Variants in PRKCQ observed in about 807,000 individuals in gnomAD.
The protein encoded by PRKCQ is protein kinase C theta type.
A neutral mutation model predicts 91.2 loss-of-function variants in PRKCQ; 41 were observed. The ratio of observed to expected loss-of-function variants is 0.45; its 90% CI spans 0.35 to 0.58. PRKCQ has a LOEUF of 0.58. Ranked by LOEUF, PRKCQ falls within the 20% of genes least tolerant of loss-of-function variation. The pLI, the probability that PRKCQ is intolerant of heterozygous loss-of-function variation, is 0.00. For missense variants in PRKCQ, 673 were observed against 896.5 expected, an observed-to-expected ratio of 0.75 and a Z score of 3.18; for synonymous variants, 307 against 316.9, an observed-to-expected ratio of 0.97 and a Z score of 0.33.
At chr10:6,494,409 T>C (rs1337714093) in intron 7 of PRKCQ, among the ~76,000 whole-genome samples, 1 of 152,170 alleles carries the variant, frequency 6.6e-6, no homozygotes, top group Non-Finnish European at 1.5e-5. Flanking sequence ...ATCATCTCCT[T>C]CATGGTTCAC....
chr10:6,525,684 A>G (rs1323457490), intron 1 of PRKCQ, among the ~76,000 whole-genome samples: 1 of 152,220 alleles, frequency 6.6e-6, no homozygotes, highest in African/African-American at 2.4e-5. Context: ...TCTTACTCTA[A>G]GTCCACGAGC....
intron 1 of PRKCQ, among the ~76,000 whole-genome samples, chr10:6,533,225 TCTTGCTCAGCTGCCCAG>T (rs1839455725): frequency 6.6e-6 from 1 of 151,980 alleles, no homozygotes; most frequent in African/African-American, 2.4e-5. Context: ...TGAGATGGAG[TCTTGCTCAGCTGCCCAG>T]GCTGGAGTGC....
At chr10:6,567,627 C>T (rs1031005349) in intron 1 of PRKCQ, among the ~76,000 whole-genome samples, 3 of 152,196 alleles carry the variant, frequency 2.0e-5, no homozygotes, top group African/African-American at 4.8e-5. Flanking sequence ...TCAGCACTGG[C>T]TTTAACATTG....
At chr10:6,466,438 C>T (rs549783271) in intron 12 of PRKCQ, among the ~76,000 whole-genome samples, 163 of 152,186 alleles carry the variant, frequency 1.1e-3, no homozygotes, top group Non-Finnish European at 1.8e-3. Context: ...AAGAAGACTA[C>T]GTTACTAGTG....
chr10:6,555,406 C>T (rs2011261), intron 1 of PRKCQ, among the ~76,000 whole-genome samples: 140,122 of 152,262 alleles, frequency 0.92, 64,943 homozygotes, highest in East Asian at 1. Context: ...ATGATGCGTA[C>T]ACAAACTACT....
At chr10:6,558,359 C>T (rs1840500580) in intron 1 of PRKCQ, among the ~76,000 whole-genome samples, 1 of 152,122 alleles carries the variant, frequency 6.6e-6, no homozygotes, top group Non-Finnish European at 1.5e-5. Flanking sequence ...AAGATGTAAA[C>T]AGACATACAG....
intron 1 of PRKCQ, among the ~76,000 whole-genome samples, chr10:6,547,350 A>G (rs1344612021): frequency 3.3e-5 from 5 of 151,658 alleles, no homozygotes; most frequent in East Asian, 1.9e-4. Context: ...TCAAGCTACC[A>G]ATGACTTTCT....
intron 12 of PRKCQ, among the ~76,000 whole-genome samples, chr10:6,471,121 C>T (rs1000027317): frequency 5.3e-5 from 8 of 152,080 alleles, no homozygotes; most frequent in Admixed American, 2.0e-4. Context: ...CCAGTATGAT[C>T]TACAGTCAGA....
At position 6,428,196 on chromosome 10, in the gene PRKCQ, A is replaced by C; in HGVS notation, c.*11T>G. 4 of 1,614,088 alleles carry C rather than the reference A, an allele frequency of 2.5e-6. No individual in the cohort carries two copies. Among genetic ancestry groups the C allele is most frequent in the African/African-American group, 1.3e-5 (1 of 75,030 alleles). The stretch of plus-strand genomic sequence containing the variant: ...AAGGCAAATTCTTTCCTGTCTCTGG[A>C]GGGGCAAGATTCAGGATATCAGCCG... On this transcript the variant is annotated 3_prime_UTR_variant, in exon 18 of 18. Coordinates refer to ENST00000263125, the MANE Select transcript of PRKCQ (RefSeq NM_006257.5).
At chr10:6,545,575 G>C (rs760865898) in intron 1 of PRKCQ, among the ~76,000 whole-genome samples, 1 of 152,178 alleles carries the variant, frequency 6.6e-6, no homozygotes, top group Non-Finnish European at 1.5e-5. Flanking sequence ...TGTGGCTCCC[G>C]GGAACTTGGA....
chr10:6,444,190 C>T (rs1354055138), intron 15 of PRKCQ, among the ~76,000 whole-genome samples: 1 of 152,148 alleles, frequency 6.6e-6, no homozygotes, highest in Admixed American at 6.5e-5. Flanking sequence ...CCTGCCTCAG[C>T]CTCCCGAGTA....
intron 1 of PRKCQ, among the ~76,000 whole-genome samples, chr10:6,558,282 C>A (rs891327643): frequency 5.3e-5 from 8 of 152,148 alleles, no homozygotes; most frequent in African/African-American, 1.9e-4. Context: ...AAAATGGATC[C>A]TTCTGAATAG....
intron 16 of PRKCQ, among the ~76,000 whole-genome samples, chr10:6,432,968 G>A (rs1030839802): frequency 6.6e-6 from 1 of 151,750 alleles, no homozygotes; most frequent in African/African-American, 2.4e-5. Flanking sequence ...CCTTTTCCTT[G>A]TGAAACTTTC....
At chr10:6,563,768 GGA>G (rs1278333226) in intron 1 of PRKCQ, among the ~76,000 whole-genome samples, 1 of 152,162 alleles carries the variant, frequency 6.6e-6, no homozygotes, top group Non-Finnish European at 1.5e-5. Context: ...GCTATGTGTG[GGA>G]CTCTCTGCTC....
the PRKCQ span, among the ~76,000 whole-genome samples, chr10:6,401,407 T>C: frequency 6.6e-6 from 1 of 152,170 alleles, no homozygotes. Context: ...TCAACAAACT[T>C]TAAGGACATA....
At chr10:6,528,836 A>C (rs1178398594) in intron 1 of PRKCQ, among the ~76,000 whole-genome samples, 1 of 152,186 alleles carries the variant, frequency 6.6e-6, no homozygotes, top group Non-Finnish European at 1.5e-5. Context: ...ACCTGTCCCT[A>C]CTTGCAAAGG....
At chr10:6,476,313 CAA>C (rs34526387) in intron 12 of PRKCQ, among the ~76,000 whole-genome samples, 23 of 116,022 alleles carry the variant, frequency 2.0e-4, no homozygotes, top group African/African-American at 3.4e-4. Context: ...ACATGCAAAT[CAA>C]AAAAAAAAAA....
chr10:6,549,654 C>T (rs538776853), intron 1 of PRKCQ, among the ~76,000 whole-genome samples: 22 of 129,048 alleles, frequency 1.7e-4, no homozygotes, highest in Middle Eastern at 5.0e-3. Flanking sequence ...GAGACAGAGT[C>T]TCACTCTGTC....
chr10:6,412,083 T>G, the PRKCQ span, among the ~76,000 whole-genome samples: 1 of 152,236 alleles, frequency 6.6e-6, no homozygotes, highest in African/African-American at 2.4e-5. Context: ...TAAGAGATGA[T>G]GTCTTCCTCT....
Sources: allele counts gnomAD v4.1 joint callset (sites outside exome capture counted in the v4.1 genomes callset), GRCh38; gene constraint gnomAD v4.1.1; transcripts MANE v1.5; gene names NCBI Gene and HGNC (gene_info 2026-07-23, HGNC 2026-07-21).